The following KCNJ12 variants were observed in gnomAD, a reference collection of about 807,000 sequenced individuals.
KCNJ12 encodes potassium inwardly rectifying channel subfamily J member 12, also known as ATP-sensitive inward rectifier potassium channel 12.
Under a neutral mutation model 22.3 loss-of-function variants are expected in KCNJ12, and 2 were observed. The ratio of observed to expected loss-of-function variants is 0.09; its 90% CI spans 0.04 to 0.28. The LOEUF (loss-of-function observed/expected upper bound fraction) is 0.28, where lower values mean the gene tolerates loss of function less well. Ranked by LOEUF, KCNJ12 falls within the 10% of genes least tolerant of loss-of-function variation. The pLI is 1.00. For missense variants in KCNJ12, 155 were observed against 633.3 expected, an observed-to-expected ratio of 0.24 and a Z score of 8.11; for synonymous variants, 117 against 261.4, an observed-to-expected ratio of 0.45 and a Z score of 5.33.
intron 1 of KCNJ12, among the ~76,000 whole-genome samples, chr17:21,379,261 A>T (rs1555557637): frequency 6.6e-6 from 1 of 152,224 alleles, no homozygotes; most frequent in East Asian, 1.9e-4. Context: ...TGGCAGTACC[A>T]AGCGTGGCAC....
In KCNJ12 at chr17:21,415,405, C is replaced by G; in HGVS notation, c.63C>G (p.His21Gln). 1 of 1,613,650 alleles carries G rather than the reference C, an allele frequency of 6.2e-7. No homozygotes were observed. The highest frequency in any genetic ancestry group is 8.5e-7 in the Non-Finnish European group (1 of 1,180,052). ...SIVSSEEDGL[H>Q]LVTMSGANGF... ...TGTCATCGGAGGAGGACGGGCTGCA[C>G]CTGGTCACCATGTCGGGCGCCAACG... Residue 21 changes from histidine (H) to glutamine (Q), a missense_variant, in exon 3 of 3, where the codon CAC (histidine) becomes CAG (glutamine). Coordinates refer to ENST00000583088, the MANE Select transcript of KCNJ12 (RefSeq NM_021012.5).
chr17:21,402,882 C>T (rs1323136161), intron 1 of KCNJ12, among the ~76,000 whole-genome samples: 12 of 152,384 alleles, frequency 7.9e-5, no homozygotes, highest in Admixed American at 3.9e-4. Flanking sequence ...TACAGAGGGA[C>T]TGAGGCAGGA....
At chr17:21,388,452 G>C (rs1469047327) in intron 1 of KCNJ12, among the ~76,000 whole-genome samples, 5 of 152,200 alleles carry the variant, frequency 3.3e-5, no homozygotes, top group African/African-American at 1.2e-4. Context: ...GGTGGGTGTA[G>C]GTGGGATTGC....
chr17:21,410,999 G>A (rs2885965), intron 2 of KCNJ12, among the ~76,000 whole-genome samples: 17 of 151,932 alleles, frequency 1.1e-4, no homozygotes, highest in East Asian at 7.9e-4. Context: ...TCTCTGCATG[G>A]GGGATGGGGG....
chr17:21,409,621 G>T (rs1417198477), intron 2 of KCNJ12, among the ~76,000 whole-genome samples: 15 of 152,270 alleles, frequency 9.9e-5, no homozygotes, highest in Admixed American at 6.5e-5. Flanking sequence ...ATCAGTCACT[G>T]ACTGAAAGCT....
intron 1 of KCNJ12, among the ~76,000 whole-genome samples, chr17:21,391,861 G>A (rs541205345): frequency 1.3e-4 from 20 of 152,340 alleles, no homozygotes; most frequent in African/African-American, 4.6e-4. Flanking sequence ...GACCTCCCCT[G>A]CCACCAGGCC....
rs1555562415 is a variant in KCNJ12, at chr17:21,415,507, T to C, written c.165T>C (p.Ile55=). 7 of 1,614,274 alleles carry C rather than the reference T, an allele frequency of 4.3e-6. No individual in the cohort carries two copies. Among genetic ancestry groups the C allele is most frequent in the Admixed American group, 3.3e-5 (2 of 60,034 alleles). The change falls in exon 3 of 3, where the codon ATT becomes ATC. Residue 55 remains isoleucine (I), a synonymous_variant. Coordinates refer to ENST00000583088, the MANE Select transcript of KCNJ12 (RefSeq NM_021012.5). Reference sequence around the variant, plus strand: ...TCAAGAAGAATGGCCAGTGCAACATTGAGTTCGCCAACATGGACGAGAAGT... The same window carrying C: ...TCAAGAAGAATGGCCAGTGCAACATCGAGTTCGCCAACATGGACGAGAAGT... The part of the protein sequence containing the change: ...RFVKKNGQCN[I]EFANMDEKSQ...
intron 1 of KCNJ12, among the ~76,000 whole-genome samples, chr17:21,406,123 C>T (rs374232482): frequency 1.3e-5 from 2 of 152,280 alleles, no homozygotes; most frequent in African/African-American, 4.8e-5. Flanking sequence ...TGGCAATATC[C>T]GACCTTCGCT....
At chr17:21,388,837 T>C (rs1347418219) in intron 1 of KCNJ12, among the ~76,000 whole-genome samples, 1 of 152,084 alleles carries the variant, frequency 6.6e-6, no homozygotes, top group Non-Finnish European at 1.5e-5. Context: ...TCGGGAAGCC[T>C]CGGTTCTCTA....
chr17:21,380,509 C>T (rs1555557796), intron 1 of KCNJ12, among the ~76,000 whole-genome samples: 2 of 152,148 alleles, frequency 1.3e-5, no homozygotes. Flanking sequence ...GGTCACTCTT[C>T]CTGGCCTCAG....
chr17:21,378,286 C>T (rs1350062046), intron 1 of KCNJ12, among the ~76,000 whole-genome samples: 2 of 152,246 alleles, frequency 1.3e-5, no homozygotes, highest in Admixed American at 6.5e-5. Context: ...GGAGGTCCAT[C>T]TCAGCCCTGG....
intron 1 of KCNJ12, among the ~76,000 whole-genome samples, chr17:21,400,135 G>C (rs1302585113): frequency 6.6e-6 from 1 of 152,240 alleles, no homozygotes. Context: ...AAAAAGTGCA[G>C]CCAGTGCTTC....
chr17:21,383,830 G>T (rs28650318), intron 1 of KCNJ12, among the ~76,000 whole-genome samples: 1 of 152,138 alleles, frequency 6.6e-6, no homozygotes, highest in African/African-American at 2.4e-5. Context: ...GCCCTGGGGG[G>T]CTGACATCTC....
chr17:21,406,957 G>A (rs1422272408), intron 1 of KCNJ12, among the ~76,000 whole-genome samples: 1 of 152,294 alleles, frequency 6.6e-6, no homozygotes, highest in Admixed American at 6.5e-5. Context: ...AAGGCAGGGG[G>A]ATCCCTTTGA....
At chr17:21,399,917 T>C (rs1316124023) in intron 1 of KCNJ12, among the ~76,000 whole-genome samples, 1 of 152,174 alleles carries the variant, frequency 6.6e-6, no homozygotes, top group Non-Finnish European at 1.5e-5. Context: ...TGACGAGTGT[T>C]CCTGACGCAC....
intron 1 of KCNJ12, among the ~76,000 whole-genome samples, chr17:21,386,917 T>A (rs145432682): frequency 3.3e-5 from 5 of 152,370 alleles, no homozygotes; most frequent in African/African-American, 1.2e-4. Context: ...TAAAGTCATA[T>A]TCACAGGTTC....
chr17:21,389,625 A>G (rs1045567984), intron 1 of KCNJ12, among the ~76,000 whole-genome samples: 15 of 149,782 alleles, frequency 1.0e-4, no homozygotes, highest in African/African-American at 3.4e-4. Context: ...TCAGAGCCCC[A>G]TGGCTGAGTG....
chr17:21,416,429 G>A lies in KCNJ12; in HGVS notation c.1087G>A (p.Val363Ile). 11 of 1,614,090 alleles carry A rather than the reference G, an allele frequency of 6.8e-6. No individual in the cohort carries two copies. The highest frequency in any genetic ancestry group is 1.7e-4 in the Middle Eastern group (1 of 6,046). ...STPRCSAKDL[V>I]ENKFLLPSAN... Reference sequence around the variant, plus strand: ...GCCCCGCTGCAGTGCGAAGGATCTGGTAGAGAACAAGTTCCTGCTGCCCAG... The same window carrying A: ...GCCCCGCTGCAGTGCGAAGGATCTGATAGAGAACAAGTTCCTGCTGCCCAG... The change falls in exon 3 of 3, where the codon GTA (valine) becomes ATA (isoleucine). Residue 363 changes from valine (V) to isoleucine (I), a missense_variant. Coordinates refer to ENST00000583088, the MANE Select transcript of KCNJ12 (RefSeq NM_021012.5).
chr17:21,379,680 G>A (rs905462013), intron 1 of KCNJ12, among the ~76,000 whole-genome samples: 2 of 152,282 alleles, frequency 1.3e-5, no homozygotes, highest in South Asian at 4.1e-4. Flanking sequence ...GCCGGGAACT[G>A]GCAGCGTGAT....
Sources: gnomAD v4.1 joint callset for allele counts (sites outside exome capture counted in the v4.1 genomes callset) on GRCh38, gnomAD v4.1.1 for gene constraint, MANE v1.5 for transcripts, NCBI Gene and HGNC (gene_info 2026-07-23, HGNC 2026-07-21) for gene names.